The following EPB41L2 variants were observed in gnomAD, a reference collection of about 807,000 sequenced individuals.
The protein encoded by EPB41L2 is erythrocyte membrane protein band 4.1 like 2, also known as band 4.1-like protein 2.
In EPB41L2, 43 loss-of-function variants were observed where a neutral mutation model predicts 113.0. The observed-to-expected ratio is 0.38, with a 90% CI of 0.30 to 0.49. EPB41L2 has a LOEUF of 0.49. Among genes scored for constraint, EPB41L2 ranks in the 20% least tolerant of loss-of-function variants. The probability of loss-of-function intolerance (pLI) is 0.95; values close to 1 mark genes in which losing one functional copy is unlikely to be tolerated. For missense variants in EPB41L2, 1,147 were observed against 1,223.4 expected (o/e 0.94, Z 0.93); for synonymous variants, 442 against 436.7 (o/e 1.01, Z -0.15).
chr6:130,867,936 T>TCACACACA, intron 15 of EPB41L2: 1 of 200,284 alleles, frequency 5.0e-6, no homozygotes, highest in South Asian at 3.9e-5. Context: ...TAGTGTATAG[T>TCACACACA]GACACACACA....
At chr6:130,886,714 A>G (rs939968919) in intron 11 of EPB41L2, among the ~76,000 whole-genome samples, 1 of 151,974 alleles carries the variant, frequency 6.6e-6, no homozygotes, top group African/African-American at 2.4e-5. Flanking sequence ...GCTCACTGCA[A>G]CCTCCATTTC....
At position 130,974,985 on chromosome 6, in the gene EPB41L2, G is replaced by A. The variant is rs538359606; in HGVS notation, c.-14-18486C>T. ...TATTGGCCAGGCTGGCAAGGCAGCC[G>A]TTTTAACACTCTTGTTTTCCAGATA... On this transcript the variant is annotated intron_variant, in intron 1 of 19. Coordinates refer to ENST00000337057, the MANE Select transcript of EPB41L2 (RefSeq NM_001431.4). Among the ~76,000 whole-genome samples, 70 of 151,928 alleles carry A rather than the reference G, an allele frequency of 4.6e-4. 1 individual carries two copies. The South Asian group carries it at 0.013, about 28-fold the overall frequency.
intron 1 of EPB41L2, among the ~76,000 whole-genome samples, chr6:131,005,215 A>T (rs943693860): frequency 5.3e-5 from 8 of 151,950 alleles, no homozygotes; most frequent in Non-Finnish European, 1.0e-4. Flanking sequence ...ACCTCTAAAA[A>T]GTAGTCAGTT....
intron 10 of EPB41L2, among the ~76,000 whole-genome samples, chr6:130,892,695 G>A (rs1793378707): frequency 6.6e-6 from 1 of 152,084 alleles, no homozygotes; most frequent in African/African-American, 2.4e-5. Context: ...AATCATGTGT[G>A]CCAGCTGATA....
At chr6:130,937,957 T>A (rs1023310983) in intron 3 of EPB41L2, among the ~76,000 whole-genome samples, 1 of 152,110 alleles carries the variant, frequency 6.6e-6, no homozygotes, top group Admixed American at 6.5e-5. Context: ...AGATCCTACA[T>A]CTTATCACAA....
chr6:130,906,951 G>C (rs2128507151), intron 5 of EPB41L2, among the ~76,000 whole-genome samples: 1 of 152,136 alleles, frequency 6.6e-6, no homozygotes, highest in South Asian at 2.1e-4. Context: ...AAACCACAAG[G>C]GTAAAAGTTC....
intron 1 of EPB41L2, among the ~76,000 whole-genome samples, chr6:131,001,444 T>A (rs1339129401): frequency 1.3e-5 from 2 of 152,298 alleles, no homozygotes; most frequent in Middle Eastern, 3.4e-3. Flanking sequence ...ACAAGTTAAG[T>A]ACAGCATTAT....
intron 1 of EPB41L2, among the ~76,000 whole-genome samples, chr6:130,964,758 T>C (rs967589412): frequency 6.6e-6 from 1 of 152,182 alleles, no homozygotes; most frequent in Admixed American, 6.5e-5. Flanking sequence ...AAACATGGCA[T>C]GCAGCAACTC....
intron 1 of EPB41L2, among the ~76,000 whole-genome samples, chr6:130,962,163 A>C (rs2128634972): frequency 6.6e-6 from 1 of 152,300 alleles, no homozygotes; most frequent in African/African-American, 2.4e-5. Flanking sequence ...GAAAAAAAAC[A>C]AATGTAGAAA....
intron 18 of EPB41L2, among the ~76,000 whole-genome samples, chr6:130,861,342 G>C (rs959829434): frequency 6.6e-6 from 1 of 152,122 alleles, no homozygotes; most frequent in African/African-American, 2.4e-5. Flanking sequence ...AAAGTGCTGA[G>C]ATTACAGGCG....
At chr6:131,027,008 T>G (rs1052426714) in intron 1 of EPB41L2, among the ~76,000 whole-genome samples, 1 of 152,250 alleles carries the variant, frequency 6.6e-6, no homozygotes, top group Non-Finnish European at 1.5e-5. Flanking sequence ...TTTATCTACA[T>G]AACTCATTTG....
intron 1 of EPB41L2, among the ~76,000 whole-genome samples, chr6:131,039,207 T>C (rs1562782275): frequency 6.6e-6 from 1 of 152,320 alleles, no homozygotes; most frequent in East Asian, 1.9e-4. Context: ...ACAGAATGTT[T>C]AGCTATGTTA....
At chr6:130,849,249 T>G (rs1778043726) in intron 19 of EPB41L2, among the ~76,000 whole-genome samples, 1 of 152,228 alleles carries the variant, frequency 6.6e-6, no homozygotes, top group Non-Finnish European at 1.5e-5. Context: ...CTTCTGATTT[T>G]TCTAAAATTG....
intron 1 of EPB41L2, among the ~76,000 whole-genome samples, chr6:131,062,774 G>C (rs1002602575): frequency 6.6e-6 from 1 of 151,974 alleles, no homozygotes; most frequent in African/African-American, 2.4e-5. Context: ...GCACCCCGGG[G>C]GGGACGGCGT....
At chr6:130,933,665 A>T (rs1241800531) in intron 3 of EPB41L2, among the ~76,000 whole-genome samples, 1 of 152,182 alleles carries the variant, frequency 6.6e-6, no homozygotes, top group Non-Finnish European at 1.5e-5. Flanking sequence ...GGGAACTTTC[A>T]TTTAAAAAGA....
At chr6:131,045,096 G>A (rs924823761) in intron 1 of EPB41L2, among the ~76,000 whole-genome samples, 19 of 152,104 alleles carry the variant, frequency 1.2e-4, no homozygotes, top group Non-Finnish European at 2.5e-4. Context: ...TTGCCCCCCA[G>A]TAAGTTTTAT....
chr6:130,866,186 A>G (rs1328475662), intron 16 of EPB41L2, among the ~76,000 whole-genome samples: 2 of 152,224 alleles, frequency 1.3e-5, no homozygotes, highest in African/African-American at 2.4e-5. Flanking sequence ...ACGGGCACAT[A>G]TATTTCAATA....
chr6:131,022,357 CT>C (rs1167309299), intron 1 of EPB41L2, among the ~76,000 whole-genome samples: 9 of 152,262 alleles, frequency 5.9e-5, no homozygotes, highest in Non-Finnish European at 4.4e-5. Context: ...ACACTGCATT[CT>C]TTCTACTACA....
At chr6:131,061,293 T>G (rs1798605144) in intron 1 of EPB41L2, among the ~76,000 whole-genome samples, 1 of 152,206 alleles carries the variant, frequency 6.6e-6, no homozygotes, top group African/African-American at 2.4e-5. Flanking sequence ...GAAGACAGGA[T>G]AGGATTAAAT....
Sources: gnomAD v4.1 joint callset for allele counts (sites outside exome capture counted in the v4.1 genomes callset) on GRCh38, gnomAD v4.1.1 for gene constraint, MANE v1.5 for transcripts, NCBI Gene and HGNC (gene_info 2026-07-23, HGNC 2026-07-21) for gene names.